The following ARHGAP35 variants were observed in gnomAD, a reference collection of about 807,000 sequenced individuals.
ARHGAP35 encodes the protein rho GTPase-activating protein 35.
ARHGAP35 carries 15 observed loss-of-function variants against 111.1 expected under a neutral mutation model. That is an observed-to-expected ratio of 0.13 (90% CI 0.09 to 0.21). The LOEUF is 0.21. Ranked by LOEUF, ARHGAP35 falls within the 10% of genes least tolerant of loss-of-function variation. The pLI is 1.00. For missense variants in ARHGAP35, 1,262 were observed against 1,873.0 expected (o/e 0.67, Z 6.02); for synonymous variants, 643 against 710.3 (o/e 0.91, Z 1.51).
chr19:46,999,689 G>A lies in ARHGAP35; in HGVS notation c.4142+280G>A. Reference sequence around the variant, plus strand: ...GGGCACTTAGCTCCAGCGGGCATGGGGCCTCTTGTAGGCCTGTGTCCCAAA... The same window carrying A: ...GGGCACTTAGCTCCAGCGGGCATGGAGCCTCTTGTAGGCCTGTGTCCCAAA... On this transcript the variant is annotated intron_variant, in intron 6 of 6. Coordinates refer to ENST00000672722, the MANE Select transcript of ARHGAP35 (RefSeq NM_004491.5). The surrounding 1 kb of genome is among the most constrained non-coding windows in gnomAD (Gnocchi z 5.4). The A allele has an allele frequency of 2.3e-6, 1 of 441,568 alleles. No individual in the cohort carries two copies. The highest frequency in any genetic ancestry group is 4.1e-6 in the Non-Finnish European group (1 of 245,648). The allele number at this position is 441,568 out of a possible 1,614,324, so 27.4% of individuals were successfully genotyped here. A position where few individuals can be genotyped will look rare whatever the true frequency, so the allele number is the denominator to read the frequency against.
intron 3 of ARHGAP35, among the ~76,000 whole-genome samples, chr19:46,982,374 G>A (rs1426915001): frequency 3.3e-5 from 5 of 152,024 alleles, no homozygotes; most frequent in African/African-American, 1.2e-4. Flanking sequence ...CTACTCGGGA[G>A]GCTGAGCCAT....
Position 46,919,520 on chromosome 19 carries a change from G to A in ARHGAP35, c.845G>A (p.Ser282Asn), listed in dbSNP as rs537838342. The A allele has an allele frequency of 1.2e-6, 2 of 1,613,924 alleles. No homozygotes were observed. Among genetic ancestry groups the A allele is most frequent in the East Asian group, 2.2e-5 (1 of 44,880 alleles). ...AAAGACAAGTATGAGTGGCTGGTGA[G>A]TCGCATTGTGAAAAACCACAATGAG... ...TAKDKYEWLV[S>N]RIVKNHNENW... Residue 282 changes from serine to asparagine, a missense_variant, in exon 2 of 7, where the codon AGT becomes AAT. Transcript: ENST00000672722. This position sits in a 1 kb window ranked among gnomAD's most constrained non-coding sequence, Gnocchi z 6.2.
chr19:46,984,405 C>G (rs750014157), intron 3 of ARHGAP35, among the ~76,000 whole-genome samples: 1 of 152,200 alleles, frequency 6.6e-6, no homozygotes, highest in Non-Finnish European at 1.5e-5. Context: ...AGGACCCCAG[C>G]CCTTTTCCTG....
chr19:46,877,024 T>C lies in ARHGAP35; in HGVS notation c.-189+15815T>C, dbSNP rs865982806. ...CAGCACTTTGGGAGGCCGAGGCGGGTGGATCACCTCAGGTCAGGAGTTCGA... is the reference window on the plus strand; with the variant it reads ...CAGCACTTTGGGAGGCCGAGGCGGGCGGATCACCTCAGGTCAGGAGTTCGA... On this transcript the variant is annotated intron_variant, in intron 1 of 6. Transcript: ENST00000672722. 8.5e-4 allele frequency among the ~76,000 whole-genome samples: 128 copies of C among 150,228 alleles called. No individual in the cohort carries two copies. The Middle Eastern group carries it at 0.02, about 24-fold the overall frequency.
intron 3 of ARHGAP35, among the ~76,000 whole-genome samples, chr19:46,968,384 G>A (rs905100431): frequency 2.5e-4 from 38 of 152,286 alleles, no homozygotes; most frequent in African/African-American, 9.1e-4. Context: ...CAGAGCAGGA[G>A]GGAAGAAAGC....
chr19:46,960,757 T>C (rs1178743960), intron 3 of ARHGAP35, among the ~76,000 whole-genome samples: 1 of 152,218 alleles, frequency 6.6e-6, no homozygotes, highest in Non-Finnish European at 1.5e-5. Context: ...GGCTGCTTTT[T>C]ATACAGATGG....
At chr19:46,979,499 A>C (rs1357372895) in intron 3 of ARHGAP35, among the ~76,000 whole-genome samples, 1 of 152,188 alleles carries the variant, frequency 6.6e-6, no homozygotes, top group Non-Finnish European at 1.5e-5. Context: ...ATTTTCTTGA[A>C]AGTCAGGGAA....
intron 3 of ARHGAP35, among the ~76,000 whole-genome samples, chr19:46,939,556 T>G (rs1369635682): frequency 6.6e-6 from 1 of 151,930 alleles, no homozygotes; most frequent in Non-Finnish European, 1.5e-5. Context: ...ATTACCGGCA[T>G]GCACCACCAC....
chr19:46,961,968 G>A (rs1343704396), intron 3 of ARHGAP35, among the ~76,000 whole-genome samples: 1 of 149,400 alleles, frequency 6.7e-6, no homozygotes, highest in Non-Finnish European at 1.5e-5. Context: ...GAGAGAAAGA[G>A]AAAGAGAGAA....
chr19:46,923,770 A>T (rs1289235416), intron 2 of ARHGAP35, among the ~76,000 whole-genome samples: 2 of 151,798 alleles, frequency 1.3e-5, no homozygotes, highest in African/African-American at 2.4e-5. Flanking sequence ...AAAGTACAAA[A>T]ATTAGCTGGG....
chr19:46,952,681 T>G (rs1599843222), intron 3 of ARHGAP35, among the ~76,000 whole-genome samples: 2 of 152,178 alleles, frequency 1.3e-5, no homozygotes, highest in East Asian at 3.8e-4. Context: ...GTGTTGTGTT[T>G]TGTTTTGTTT....
chr19:46,979,226 C>A (rs1365465254), intron 3 of ARHGAP35, among the ~76,000 whole-genome samples: 3 of 152,082 alleles, frequency 2.0e-5, no homozygotes, highest in African/African-American at 7.2e-5. Flanking sequence ...CGGAGTCACA[C>A]TGCCATCACT....
intron 1 of ARHGAP35, among the ~76,000 whole-genome samples, chr19:46,912,311 T>A (rs993941126): frequency 2.5e-4 from 38 of 151,970 alleles, no homozygotes; most frequent in African/African-American, 9.2e-4. Context: ...CCCAAAGTGC[T>A]GGGATTACAG....
At chr19:46,879,211 T>C (rs2122131067) in intron 1 of ARHGAP35, among the ~76,000 whole-genome samples, 2 of 152,244 alleles carry the variant, frequency 1.3e-5, no homozygotes, top group Middle Eastern at 6.8e-3. Context: ...TAATCCCAGC[T>C]CTTCGGAAGG....
intron 2 of ARHGAP35, among the ~76,000 whole-genome samples, chr19:46,935,136 T>C (rs1203958237): frequency 2.0e-5 from 3 of 152,226 alleles, no homozygotes; most frequent in Non-Finnish European, 4.4e-5. Context: ...CTTCAGTCTA[T>C]AAGGGGAGCA....
At chr19:46,971,840 C>A (rs964941940) in intron 3 of ARHGAP35, among the ~76,000 whole-genome samples, 3 of 151,972 alleles carry the variant, frequency 2.0e-5, no homozygotes, top group African/African-American at 7.3e-5. Flanking sequence ...GGTGGCCTCA[C>A]ATACATCCAT....
At chr19:46,935,527 C>T (rs573931104) in intron 2 of ARHGAP35, among the ~76,000 whole-genome samples, 1 of 152,136 alleles carries the variant, frequency 6.6e-6, no homozygotes, top group Non-Finnish European at 1.5e-5. Context: ...CTGGTAGGAA[C>T]GAAGATGGGC....
Position 46,898,775 on chromosome 19 carries a change from AGCTGCT to A in ARHGAP35, c.-188-19681_-188-19676del, listed in dbSNP as rs112008743. 5.7e-4 allele frequency among the ~76,000 whole-genome samples: 86 copies of A among 150,910 alleles called. No homozygotes were observed. The East Asian group carries it at 0.012, about 20-fold the overall frequency. On this transcript the variant is annotated intron_variant, in intron 1 of 6. Coordinates refer to ENST00000672722, the MANE Select transcript of ARHGAP35 (RefSeq NM_004491.5). Reference sequence around the variant, plus strand: ...ACCCAGGAGCCTCCATGCACAGATGAGCTGCTGCTGCTGCTGCTGCTGCTGCTGCTG... The same window carrying A: ...ACCCAGGAGCCTCCATGCACAGATGAGCTGCTGCTGCTGCTGCTGCTGCTG...
chr19:46,981,530 T>G (rs1482314403), intron 3 of ARHGAP35, among the ~76,000 whole-genome samples: 3 of 152,270 alleles, frequency 2.0e-5, no homozygotes, highest in Non-Finnish European at 4.4e-5. Context: ...ACAGCACTGC[T>G]GCTAAGAAGG....
Sources: allele counts gnomAD v4.1 joint callset (sites outside exome capture counted in the v4.1 genomes callset), GRCh38; gene constraint gnomAD v4.1.1; non-coding constraint Gnocchi (gnomAD v3.1); transcripts MANE v1.5; gene names NCBI Gene and HGNC (gene_info 2026-07-23, HGNC 2026-07-21).